Variants in TP53BP1 observed in about 807,000 individuals in gnomAD.
TP53BP1 encodes TP53-binding protein 1.
TP53BP1 carries 61 observed loss-of-function variants against 200.8 expected under a neutral mutation model. The ratio of observed to expected loss-of-function variants is 0.30; its 90% CI spans 0.25 to 0.38. TP53BP1 has a LOEUF of 0.38. TP53BP1 is among the 10% of genes least tolerant of loss of function. The pLI, the probability that TP53BP1 is intolerant of heterozygous loss-of-function variation, is 1.00. For synonymous variants in TP53BP1, 822 were observed against 844.3 expected (o/e 0.97, Z 0.46); for missense variants, 2,144 against 2,371.9 (o/e 0.90, Z 2.00).
intron 12 of TP53BP1, among the ~76,000 whole-genome samples, chr15:43,453,859 A>T (rs1449555795): frequency 6.6e-6 from 1 of 151,552 alleles, no homozygotes; most frequent in Non-Finnish European, 1.5e-5. Flanking sequence ...GGGACAATTT[A>T]AAAACTAAAA....
At position 43,510,462 on chromosome 15, in the gene TP53BP1, C is replaced by A. The variant is rs45566532; in HGVS notation, c.-101G>T. 676 of 153,006 alleles carry A rather than the reference C, an allele frequency of 4.4e-3. 18 individuals carry two copies. The East Asian group carries it at 0.091, about 21-fold the overall frequency. The allele number at this position is 153,006 out of a possible 1,614,324, so 9.5% of individuals were successfully genotyped here. ...GGGCCCGGGGCAAGGACAGGGAAAC[C>A]GAGGATGGAGACCTCGGGCAGGACC... is the stretch of plus-strand genomic sequence containing the variant. On this transcript the variant is annotated 5_prime_UTR_variant, in exon 1 of 28. Transcript: ENST00000263801.
chr15:43,509,363 T>C (rs1198389879), intron 1 of TP53BP1, among the ~76,000 whole-genome samples: 1 of 152,194 alleles, frequency 6.6e-6, no homozygotes, highest in African/African-American at 2.4e-5. Context: ...GGACTGGCTG[T>C]TTTCCTGTAA....
At chr15:43,464,452 T>C (rs142307662) in intron 11 of TP53BP1, among the ~76,000 whole-genome samples, 2 of 152,172 alleles carry the variant, frequency 1.3e-5, no homozygotes, top group African/African-American at 4.8e-5. Context: ...TAGGTATACA[T>C]AAGAGAAATA....
chr15:43,500,372 CA>C (rs1166994315), intron 1 of TP53BP1, among the ~76,000 whole-genome samples: 1 of 152,052 alleles, frequency 6.6e-6, no homozygotes, highest in African/African-American at 2.4e-5. Flanking sequence ...CAATTAGCAA[CA>C]AATGCTCAAT....
At chr15:43,428,488 G>A (rs370086578) in intron 17 of TP53BP1, among the ~76,000 whole-genome samples, 2 of 152,224 alleles carry the variant, frequency 1.3e-5, no homozygotes, top group East Asian at 1.9e-4. Context: ...TTTTTAAACC[G>A]TATTTCTTCT....
chr15:43,503,165 G>A (rs973627338), intron 1 of TP53BP1, among the ~76,000 whole-genome samples: 86 of 152,384 alleles, frequency 5.6e-4, no homozygotes, highest in African/African-American at 1.9e-3. Flanking sequence ...GTGTGTGCGC[G>A]CATGCGCGGG....
rs1449996709 is a variant in TP53BP1, at chr15:43,404,955, C to T, written c.*2428G>A. 8 of 536,608 alleles carry T rather than the reference C, an allele frequency of 1.5e-5. No individual in the cohort carries two copies. Among genetic ancestry groups the T allele is most frequent in the South Asian group, 2.7e-5 (1 of 37,720 alleles). The allele number at this position is 536,608 out of a possible 1,614,324, so 33.2% of individuals were successfully genotyped here. A position where few individuals can be genotyped will look rare whatever the true frequency, so the allele number is the denominator to read the frequency against. On this transcript the variant is annotated 3_prime_UTR_variant, in exon 28 of 28. Transcript: ENST00000382044. ...TCTAAACTTTAAAAAAAACTGATAC[C>T]GAGATTCAGTGGTAGCTGGCTTCCC...
intron 10 of TP53BP1, among the ~76,000 whole-genome samples, chr15:43,470,763 T>G (rs2046706283): frequency 6.6e-6 from 1 of 152,186 alleles, no homozygotes; most frequent in East Asian, 1.9e-4. Flanking sequence ...GCTAGCTAAG[T>G]ATTTGATTCA....
intron 4 of TP53BP1, among the ~76,000 whole-genome samples, chr15:43,490,999 T>G (rs2079114191): frequency 6.6e-6 from 1 of 152,164 alleles, no homozygotes; most frequent in Admixed American, 6.5e-5. Context: ...GAATTAAACA[T>G]TCTAGATCTA....
intron 7 of TP53BP1, 24 bp downstream of exon 7, chr15:43,479,373 T>C: frequency 6.3e-7 from 1 of 1,578,238 alleles, no homozygotes; most frequent in Non-Finnish European, 8.6e-7. Context: ...AACTCGTAAA[T>C]CCTTTTTAGA....
At chr15:43,504,930 G>A (rs1005802960) in intron 1 of TP53BP1, among the ~76,000 whole-genome samples, 3 of 152,206 alleles carry the variant, frequency 2.0e-5, no homozygotes, top group African/African-American at 4.8e-5. Flanking sequence ...TGAGGCAAGA[G>A]AATTGCTTGA....
intron 1 of TP53BP1, among the ~76,000 whole-genome samples, chr15:43,507,775 G>A (rs1374251207): frequency 2.0e-5 from 3 of 151,458 alleles, no homozygotes; most frequent in Non-Finnish European, 4.4e-5. Context: ...CCAAGCTAGA[G>A]CGCAGTGGCG....
In TP53BP1 at chr15:43,493,108, C is replaced by T. The variant is rs1460471266; in HGVS notation, c.-65G>A. ...GCACGCTCCCCAAGTCCCTCCAGAT[C>T]GATCCCTAGGTCGCCGCTGTCGCCA... On this transcript the variant is annotated 5_prime_UTR_variant, in exon 1 of 28. Coordinates refer to ENST00000382044, the MANE Select transcript of TP53BP1 (RefSeq NM_001141980.3). 5 of 1,604,706 alleles carry T rather than the reference C, an allele frequency of 3.1e-6. No homozygotes were observed.
upstream of TP53BP1, among the ~76,000 whole-genome samples, chr15:43,495,530 CACAA>C (rs1304939905): frequency 1.6e-3 from 230 of 145,358 alleles, 2 homozygotes; most frequent in Middle Eastern, 7.9e-3. Context: ...CACACACACA[CACAA>C]AAGCCAGGTG....
intron 4 of TP53BP1, among the ~76,000 whole-genome samples, chr15:43,481,814 A>C (rs1397333345): frequency 4.0e-5 from 2 of 49,964 alleles, no homozygotes; most frequent in African/African-American, 9.5e-4. Flanking sequence ...ACTCTGTCTC[A>C]AAAAAAAAAA....
intron 12 of TP53BP1, among the ~76,000 whole-genome samples, chr15:43,454,016 C>T (rs1032804549): frequency 1.3e-5 from 2 of 151,910 alleles, no homozygotes; most frequent in Admixed American, 6.5e-5. Context: ...ACCATCCTGG[C>T]CAGCATGGTG....
At chr15:43,495,430 C>T (rs1413501995), upstream of TP53BP1, among the ~76,000 whole-genome samples, 6 of 150,476 alleles carry the variant, frequency 4.0e-5, no homozygotes, top group Admixed American at 3.3e-4. Flanking sequence ...ACCCTGGAGG[C>T]GTAGGTTACA....
rs375638043 is a variant in TP53BP1, at chr15:43,405,324, T to C, written c.*2059A>G. The C allele has an allele frequency of 1.4e-5, 18 of 1,262,940 alleles. No individual in the cohort carries two copies. The highest frequency in any genetic ancestry group is 5.9e-5 in the African/African-American group (4 of 67,470). 78.2% of individuals were successfully genotyped at this position (1,262,940 alleles called of 1,614,324 possible). ...CAAATAAATATCTGCGGCTTAGTGATAGGACTCTACCTTTTCTCCTAGAAG... is the reference window on the plus strand; with the variant it reads ...CAAATAAATATCTGCGGCTTAGTGACAGGACTCTACCTTTTCTCCTAGAAG... On this transcript the variant is annotated 3_prime_UTR_variant, in exon 28 of 28. Coordinates refer to ENST00000382044, the MANE Select transcript of TP53BP1 (RefSeq NM_001141980.3).
intron 12 of TP53BP1, among the ~76,000 whole-genome samples, chr15:43,448,034 A>G (rs939710074): frequency 2.6e-5 from 4 of 152,214 alleles, no homozygotes; most frequent in Non-Finnish European, 5.9e-5. Context: ...TGGTTCTAGC[A>G]TAGAAATCCA....
Sources: gnomAD v4.1 joint callset for allele counts (sites outside exome capture counted in the v4.1 genomes callset) on GRCh38, gnomAD v4.1.1 for gene constraint, MANE v1.5 for transcripts, NCBI Gene and HGNC (gene_info 2026-07-23, HGNC 2026-07-21) for gene names.